The following ZBTB8OS variants were observed in gnomAD, a reference collection of about 807,000 sequenced individuals.
ZBTB8OS encodes the protein tRNA splicing ligase complex subunit 1.
Under a neutral mutation model 29.3 loss-of-function variants are expected in ZBTB8OS, and 16 were observed. That is an observed-to-expected ratio of 0.55 (90% confidence interval 0.37 to 0.83). ZBTB8OS has a LOEUF of 0.83. ZBTB8OS is among the 40% of genes least tolerant of loss of function. ZBTB8OS has a pLI of 0.00. For synonymous variants in ZBTB8OS, 70 were observed against 64.6 expected (o/e 1.08, Z -0.40); for missense variants, 160 against 196.9 (o/e 0.81, Z 1.12).
chr1:32,650,785 C>G (rs1156877132), upstream of ZBTB8OS: 4 of 593,476 alleles, frequency 6.7e-6, no homozygotes, highest in African/African-American at 7.5e-5. Context: ...TGAAGGGCAC[C>G]TTGAATGAAA....
chr1:32,635,715 A>T (rs983514982), intron 1 of ZBTB8OS, among the ~76,000 whole-genome samples: 1 of 152,214 alleles, frequency 6.6e-6, no homozygotes, highest in African/African-American at 2.4e-5. Context: ...TATGACAGTG[A>T]AAGAAATCGG....
intron 1 of ZBTB8OS, among the ~76,000 whole-genome samples, chr1:32,639,254 T>C (rs766917126): frequency 6.7e-6 from 1 of 148,154 alleles, no homozygotes; most frequent in Non-Finnish European, 1.5e-5. Context: ...GCCAAGATCA[T>C]GCCACTGCAC....
Position 32,636,617 on chromosome 1 carries a change from G to C in ZBTB8OS, c.98-1825C>G, listed in dbSNP as rs137978201. On this transcript the variant is annotated intron_variant, in intron 1 of 6. Transcript: ENST00000468695. ...AGGCAGGAGAATAGCTTGAACCCAG[G>C]AGACGGAGGTTGCAGTGAGCCAAGA... 1.3e-3 allele frequency among the ~76,000 whole-genome samples: 190 copies of C among 151,506 alleles called. 2 individuals are homozygous for C. In the East Asian group the frequency reaches 0.027, roughly 21 times the overall value.
intron 6 of ZBTB8OS, among the ~76,000 whole-genome samples, chr1:32,622,398 A>G (rs966569504): frequency 1.2e-4 from 18 of 152,244 alleles, no homozygotes; most frequent in African/African-American, 4.3e-4. Context: ...AGCCATAAAA[A>G]AGAATGAGAT....
chr1:32,629,247 C>T (rs538474786), intron 5 of ZBTB8OS, among the ~76,000 whole-genome samples: 4 of 144,968 alleles, frequency 2.8e-5, no homozygotes, highest in African/African-American at 5.6e-5. Context: ...CCTGTCTCTA[C>T]AAAAGATTAA....
In ZBTB8OS at chr1:32,650,539, A is replaced by T. The variant is rs1197230692; in HGVS notation, c.-10T>A. On this transcript the variant is annotated 5_prime_UTR_variant, in exon 1 of 7. Coordinates refer to ENST00000468695, the MANE Select transcript of ZBTB8OS (RefSeq NM_178547.5). The stretch of plus-strand genomic sequence containing the variant: ...CCTCTTCCTGCGCCATGACTGCAGG[A>T]TTAGACACTCTACTTCCGCCCTTCA... The T allele has an allele frequency of 6.2e-7, 1 of 1,614,072 alleles. No homozygotes were observed. Among genetic ancestry groups the T allele is most frequent in the South Asian group, 1.1e-5 (1 of 91,066 alleles).
intron 4 of ZBTB8OS, among the ~76,000 whole-genome samples, chr1:32,633,072 C>T (rs1440518016): frequency 6.6e-6 from 1 of 152,156 alleles, no homozygotes; most frequent in Non-Finnish European, 1.5e-5. Context: ...ATGACAGCAG[C>T]AAGCAATCTC....
Position 32,621,745 on chromosome 1 carries a change from G to C in ZBTB8OS, c.*117C>G. ...GTCACACTTTAACTAAAATATTTCT[G>C]TTCTACAAATTTCCATATATCAAAA... On this transcript the variant is annotated 3_prime_UTR_variant, in exon 7 of 7. Coordinates refer to ENST00000468695, the MANE Select transcript of ZBTB8OS (RefSeq NM_178547.5). The C allele has an allele frequency of 2.7e-6, 2 of 743,632 alleles. No individual in the cohort carries two copies. Among genetic ancestry groups the C allele is most frequent in the South Asian group, 3.4e-5 (2 of 59,284 alleles). The allele number at this position is 743,632 out of a possible 1,614,324, so 46.1% of individuals were successfully genotyped here.
intron 1 of ZBTB8OS, among the ~76,000 whole-genome samples, chr1:32,636,337 G>T (rs1429267178): frequency 6.6e-6 from 1 of 152,154 alleles, no homozygotes; most frequent in Non-Finnish European, 1.5e-5. Flanking sequence ...CCCCCATCTT[G>T]ATGAATCGGC....
intron 1 of ZBTB8OS, among the ~76,000 whole-genome samples, chr1:32,650,204 T>C (rs1291537369): frequency 6.6e-6 from 1 of 152,070 alleles, no homozygotes; most frequent in Non-Finnish European, 1.5e-5. Context: ...TGGAAGAAGT[T>C]CAAGAGACTG....
At chr1:32,649,666 ACAT>A (rs1647157112) in intron 1 of ZBTB8OS, among the ~76,000 whole-genome samples, 3 of 127,420 alleles carry the variant, frequency 2.4e-5, no homozygotes, top group African/African-American at 7.1e-5. Flanking sequence ...ACACACACAC[ACAT>A]TTTTTTTTTT....
At chr1:32,627,228 T>C (rs1288129594) in intron 6 of ZBTB8OS, among the ~76,000 whole-genome samples, 1 of 152,148 alleles carries the variant, frequency 6.6e-6, no homozygotes, top group Admixed American at 6.6e-5. Flanking sequence ...ACATCTTTAT[T>C]ATAGGAGAAG....
chr1:32,638,455 G>A (rs1646158261), intron 1 of ZBTB8OS, among the ~76,000 whole-genome samples: 1 of 152,018 alleles, frequency 6.6e-6, no homozygotes, highest in Non-Finnish European at 1.5e-5. Flanking sequence ...CCTCCCAAAA[G>A]CTGGGATTAC....
At chr1:32,637,333 G>C (rs1388209188) in intron 1 of ZBTB8OS, among the ~76,000 whole-genome samples, 1 of 152,174 alleles carries the variant, frequency 6.6e-6, no homozygotes, top group South Asian at 2.1e-4. Flanking sequence ...GGAGGCCGAG[G>C]TGGGTGGATC....
intron 1 of ZBTB8OS, among the ~76,000 whole-genome samples, chr1:32,645,451 A>G (rs1244428721): frequency 6.6e-6 from 1 of 152,078 alleles, no homozygotes; most frequent in African/African-American, 2.4e-5. Context: ...GCAGTGAGCC[A>G]TGACAGCGCC....
At chr1:32,649,668 A>ACAC (rs1491538426) in intron 1 of ZBTB8OS, among the ~76,000 whole-genome samples, 10 of 31,108 alleles carry the variant, frequency 3.2e-4, no homozygotes, top group African/African-American at 1.5e-3. Context: ...ACACACACAC[A>ACAC]TTTTTTTTTT....
At chr1:32,650,358 A>T in intron 1 of ZBTB8OS, 75 bp downstream of exon 1, 2 of 1,583,884 alleles carry the variant, frequency 1.3e-6, no homozygotes, top group South Asian at 1.1e-5. Flanking sequence ...TAGAAAGAGC[A>T]GCAGGAAGCC....
chr1:32,647,963 T>C (rs1285487961), intron 1 of ZBTB8OS, among the ~76,000 whole-genome samples: 1 of 151,838 alleles, frequency 6.6e-6, no homozygotes, highest in Non-Finnish European at 1.5e-5. Flanking sequence ...GCCAAAAAGG[T>C]TGGGGACCGC....
At chr1:32,633,754 A>G (rs1459141445) in intron 3 of ZBTB8OS, 27 bp from the exon 4 acceptor site, 1 of 1,548,082 alleles carries the variant, frequency 6.5e-7, no homozygotes, top group Non-Finnish European at 8.8e-7. Context: ...AGTATATTTA[A>G]TAATTCTGGT....
Sources: allele counts gnomAD v4.1 joint callset (sites outside exome capture counted in the v4.1 genomes callset), GRCh38; gene constraint gnomAD v4.1.1; transcripts MANE v1.5; gene names NCBI Gene and HGNC (gene_info 2026-07-23, HGNC 2026-07-21).